Variants in STARD13 observed in about 807,000 individuals in gnomAD.
STARD13 encodes StAR related lipid transfer domain containing 13, also known as stAR-related lipid transfer protein 13.
A neutral mutation model predicts 106.4 loss-of-function variants in STARD13; 62 were observed. The observed-to-expected ratio is 0.58, with a 90% CI of 0.48 to 0.72. The LOEUF (loss-of-function observed/expected upper bound fraction) is 0.72. STARD13 is among the 30% of genes least tolerant of loss of function. STARD13 has a pLI of 0.00. For synonymous variants in STARD13, 565 were observed against 553.0 expected, an observed-to-expected ratio of 1.02 and a Z score of -0.31; for missense variants, 1,387 against 1,424.0, an observed-to-expected ratio of 0.97 and a Z score of 0.42.
chr13:33,588,298 A>T, the STARD13 span, among the ~76,000 whole-genome samples: 1 of 152,222 alleles, frequency 6.6e-6, no homozygotes, highest in Admixed American at 6.5e-5. Context: ...GAAATTTTGC[A>T]GTGCTTAGCA....
At chr13:33,375,180 T>C in the STARD13 span, among the ~76,000 whole-genome samples, 1 of 152,080 alleles carries the variant, frequency 6.6e-6, no homozygotes, top group African/African-American at 2.4e-5. Context: ...CTGGGGAGAC[T>C]GGTTAGGCTC....
the STARD13 span, among the ~76,000 whole-genome samples, chr13:33,473,514 T>C: frequency 1.2e-4 from 19 of 152,326 alleles, no homozygotes; most frequent in East Asian, 3.3e-3. Flanking sequence ...GACTTCAGCA[T>C]CTGAATAAAG....
the STARD13 span, among the ~76,000 whole-genome samples, chr13:33,465,141 T>C: frequency 2.0e-5 from 3 of 152,118 alleles, no homozygotes; most frequent in African/African-American, 7.2e-5. Flanking sequence ...TGCTATTTTC[T>C]TTCTACCATT....
the STARD13 span, among the ~76,000 whole-genome samples, chr13:33,541,067 G>T: frequency 5.1e-4 from 78 of 152,288 alleles, no homozygotes; most frequent in Middle Eastern, 6.8e-3. Flanking sequence ...TCTTTGAACT[G>T]TGAAGGGCTA....
Position 33,129,582 on chromosome 13 carries a change from C to T in STARD13, c.1095G>A (p.Glu365=). 1.9e-6 allele frequency: 3 copies of T among 1,614,166 alleles called. No homozygotes were observed. The East Asian group carries it at 6.7e-5, about 36-fold the overall frequency. Residue 365 remains glutamate, a synonymous_variant, in exon 5 of 14, where the codon GAG becomes GAA. Coordinates refer to ENST00000336934, the MANE Select transcript of STARD13 (RefSeq NM_178006.4). ...CTGTCCCCGCCAGCACATCTAGGTC[C>T]TCCAAGTACATGCCCCCGCGCTTGT... ...EANKRGGMYL[E]DLDVLAGTAL...
chr13:33,499,523 TTCTTCTTCTTCTTC>T, the STARD13 span, among the ~76,000 whole-genome samples: 301 of 50,402 alleles, frequency 6.0e-3, 13 homozygotes, highest in African/African-American at 0.013. Context: ...TCTTTCTTTC[TTCTTCTTCTTCTTC>T]TTCTTCTTCT....
the STARD13 span, among the ~76,000 whole-genome samples, chr13:33,411,478 A>T: frequency 6.6e-6 from 1 of 152,114 alleles, no homozygotes; most frequent in East Asian, 1.9e-4. Context: ...AGATCCAGTC[A>T]TCCAGGCAGG....
At chr13:33,667,183 TG>T in the STARD13 span, among the ~76,000 whole-genome samples, 1 of 152,232 alleles carries the variant, frequency 6.6e-6, no homozygotes, top group Non-Finnish European at 1.5e-5. Flanking sequence ...AAAGATATGA[TG>T]ATAAGTGCAG....
At chr13:33,452,282 C>T in the STARD13 span, among the ~76,000 whole-genome samples, 1 of 151,044 alleles carries the variant, frequency 6.6e-6, no homozygotes, top group African/African-American at 2.4e-5. Flanking sequence ...GAGGAACTCT[C>T]AGTTCTCTGG....
chr13:33,599,099 C>T, the STARD13 span, among the ~76,000 whole-genome samples: 2 of 152,198 alleles, frequency 1.3e-5, no homozygotes, highest in African/African-American at 4.8e-5. Context: ...CCTTGAGAAA[C>T]AGCCTCAACC....
chr13:33,623,334 A>G, the STARD13 span, among the ~76,000 whole-genome samples: 1 of 151,858 alleles, frequency 6.6e-6, no homozygotes. Context: ...AAATAATACA[A>G]AATATTTTTC....
chr13:33,270,690 C>T (rs1225363388), intron 1 of STARD13, among the ~76,000 whole-genome samples: 3 of 152,164 alleles, frequency 2.0e-5, no homozygotes, highest in African/African-American at 7.2e-5. Context: ...TCTCCCTCTA[C>T]TGGGAACATA....
At chr13:33,628,818 C>T in the STARD13 span, among the ~76,000 whole-genome samples, 2 of 152,182 alleles carry the variant, frequency 1.3e-5, 1 homozygote, top group South Asian at 4.1e-4. Flanking sequence ...CTCCTACTGC[C>T]TTTTGATCTT....
chr13:33,627,653 T>A, the STARD13 span, among the ~76,000 whole-genome samples: 3 of 147,470 alleles, frequency 2.0e-5, no homozygotes, highest in Non-Finnish European at 4.5e-5. Flanking sequence ...AAAAAAAAAA[T>A]GTTCTTTTCT....
At chr13:33,313,918 T>C (rs1893233883) in intron 1 of STARD13, among the ~76,000 whole-genome samples, 1 of 152,186 alleles carries the variant, frequency 6.6e-6, no homozygotes, top group African/African-American at 2.4e-5. Context: ...CTTAAAATAC[T>C]CTCTGACCTT....
chr13:33,265,665 G>T (rs1053771408), intron 1 of STARD13, among the ~76,000 whole-genome samples: 2 of 152,052 alleles, frequency 1.3e-5, no homozygotes. Flanking sequence ...TTCATTTAAT[G>T]TTCGTAGTTT....
chr13:33,125,041 T>C (rs1876954093), intron 7 of STARD13, among the ~76,000 whole-genome samples: 1 of 152,178 alleles, frequency 6.6e-6, no homozygotes, highest in African/African-American at 2.4e-5. Flanking sequence ...AAAGACAACT[T>C]CAAATGAAGA....
intron 3 of STARD13, among the ~76,000 whole-genome samples, chr13:33,163,324 CACCT>C (rs776129044): frequency 3.9e-4 from 59 of 152,028 alleles, no homozygotes; most frequent in Non-Finnish European, 6.9e-4. Context: ...CGGTGGCTCA[CACCT>C]GTAATCCCAG....
At chr13:33,426,963 A>G in the STARD13 span, among the ~76,000 whole-genome samples, 1 of 152,204 alleles carries the variant, frequency 6.6e-6, no homozygotes, top group Non-Finnish European at 1.5e-5. Context: ...AAAATGCTTT[A>G]TCATGCATGA....
Sources: gnomAD v4.1 joint callset for allele counts (sites outside exome capture counted in the v4.1 genomes callset) on GRCh38, gnomAD v4.1.1 for gene constraint, MANE v1.5 for transcripts, NCBI Gene and HGNC (gene_info 2026-07-23, HGNC 2026-07-21) for gene names.